The following KANSL1L variants were observed in gnomAD, a reference collection of about 807,000 sequenced individuals.
The protein encoded by KANSL1L is KAT8 regulatory NSL complex subunit 1 like, also known as KAT8 regulatory NSL complex subunit 1-like protein.
In KANSL1L, 25 loss-of-function variants were observed where a neutral mutation model predicts 108.6. The ratio of observed to expected loss-of-function variants is 0.23; its 90% confidence interval spans 0.17 to 0.32. The LOEUF (loss-of-function observed/expected upper bound fraction) is 0.32. Ranked by LOEUF, KANSL1L falls within the 10% of genes least tolerant of loss-of-function variation. KANSL1L has a pLI of 1.00. For missense variants in KANSL1L, 1,137 were observed against 1,125.7 expected (o/e 1.01, Z -0.14); for synonymous variants, 405 against 395.1 (o/e 1.03, Z -0.30).
chr2:210,044,112 GA>G lies in KANSL1L; in HGVS notation c.1756-9del. On this transcript the variant is annotated splice_polypyrimidine_tract_variant and intron_variant, in intron 6 of 14. Transcript: ENST00000281772. The surrounding 1 kb of genome is among the most constrained non-coding windows in gnomAD (Gnocchi z 4.2). ...TTCTTTTGAAGGCAAAGTCTGCAAG[GA>G]AAAACCGTATTAGAATATCACAGCC... is the stretch of plus-strand genomic sequence containing the variant. The G allele has an allele frequency of 1.3e-6, 2 of 1,566,958 alleles. No homozygotes were observed. Among genetic ancestry groups the G allele is most frequent in the Admixed American group, 1.9e-5 (1 of 53,956 alleles).
At chr2:210,023,283 CT>C in intron 14 of KANSL1L, 104 bp from the exon 15 acceptor site, 2 of 765,092 alleles carry the variant, frequency 2.6e-6, no homozygotes, top group Non-Finnish European at 4.3e-6. Flanking sequence ...TTGTTCTGTT[CT>C]TTAGCACATA....
chr2:210,089,872 G>A (rs1223338110), intron 5 of KANSL1L, among the ~76,000 whole-genome samples: 1 of 152,116 alleles, frequency 6.6e-6, no homozygotes, highest in Non-Finnish European at 1.5e-5. Context: ...CTTCCCAAGA[G>A]ATGACGGAAA....
chr2:210,119,943 T>C (rs572968177), intron 3 of KANSL1L, among the ~76,000 whole-genome samples: 44 of 152,196 alleles, frequency 2.9e-4, no homozygotes, highest in Non-Finnish European at 5.4e-4. Flanking sequence ...TACAGGGCTA[T>C]TGGAACCAAA....
In KANSL1L at chr2:210,050,869, G is replaced by C. The variant is rs192184328; in HGVS notation, c.1756-6765C>G. Reference sequence around the variant, plus strand: ...AGTGATCCTCCCACCTCAGCCTCCTGAGTAGCTGGGACTATAGGTGCACAC... The same window carrying C: ...AGTGATCCTCCCACCTCAGCCTCCTCAGTAGCTGGGACTATAGGTGCACAC... On this transcript the variant is annotated intron_variant, in intron 6 of 14. Transcript: ENST00000281772. Among the ~76,000 whole-genome samples, 447 of 152,080 alleles carry C rather than the reference G, an allele frequency of 2.9e-3. 2 individuals are homozygous for C. Among genetic ancestry groups the C allele is most frequent in the African/African-American group, 0.01 (426 of 41,514 alleles).
intron 8 of KANSL1L, among the ~76,000 whole-genome samples, chr2:210,034,841 C>CT (rs756057694): frequency 2.0e-4 from 31 of 152,178 alleles, no homozygotes; most frequent in Middle Eastern, 3.2e-3. Flanking sequence ...TTCCATCTAT[C>CT]TGAGACCTAA....
intron 6 of KANSL1L, among the ~76,000 whole-genome samples, chr2:210,046,141 C>T (rs1320682171): frequency 6.6e-6 from 1 of 152,150 alleles, no homozygotes; most frequent in Non-Finnish European, 1.5e-5. Context: ...TTAATGACCT[C>T]ATGACCTATT....
intron 5 of KANSL1L, among the ~76,000 whole-genome samples, chr2:210,079,013 C>T (rs1041535385): frequency 2.0e-5 from 3 of 151,996 alleles, no homozygotes; most frequent in Non-Finnish European, 4.4e-5. Context: ...GGCAGTAGAA[C>T]AATTGTAGCT....
At chr2:210,075,320 CTG>C (rs930256271) in intron 6 of KANSL1L, among the ~76,000 whole-genome samples, 15 of 151,934 alleles carry the variant, frequency 9.9e-5, no homozygotes, top group Non-Finnish European at 1.9e-4. Context: ...TTTAAAAAAA[CTG>C]GGGATGTGAG....
At position 210,028,900 on chromosome 2, in the gene KANSL1L, A is replaced by G; in HGVS notation, c.2341T>C (p.Leu781=). 6.2e-7 allele frequency: 1 copy of G among 1,604,086 alleles called. No individual in the cohort carries two copies. The highest frequency in any genetic ancestry group is 8.5e-7 in the Non-Finnish European group (1 of 1,171,600). The change falls in exon 11 of 15, where the codon TTA becomes CTA. Residue 781 remains leucine, a synonymous_variant. Coordinates refer to ENST00000281772, the MANE Select transcript of KANSL1L (RefSeq NM_152519.4). ...TTCTCTAATTTAGCTGGGGCTACTA[A>G]TGACATGGGAATCACAATGTTATCT... The part of the protein sequence containing the change: ...DIDNIVIPMS[L]VAPAKLEKLQ...
chr2:210,137,068 C>T (rs939935238), intron 2 of KANSL1L, among the ~76,000 whole-genome samples: 2 of 152,138 alleles, frequency 1.3e-5, no homozygotes, highest in African/African-American at 4.8e-5. Context: ...ACATTTAAAG[C>T]TTCATATCCT....
At chr2:210,087,121 T>C (rs2094645491) in intron 5 of KANSL1L, among the ~76,000 whole-genome samples, 1 of 151,868 alleles carries the variant, frequency 6.6e-6, no homozygotes, top group Admixed American at 6.6e-5. Context: ...CCTGACCTCC[T>C]GGGACCAAGC....
rs550011536 is a variant in KANSL1L, at chr2:210,031,164, A to G, written c.2155+257T>C. On this transcript the variant is annotated intron_variant, in intron 9 of 14. Coordinates refer to ENST00000281772, the MANE Select transcript of KANSL1L (RefSeq NM_152519.4). ...CAACTTTGAAGATTAAATCCCATCC[A>G]GGGACTGATTGGTAGAAGACAACTA... The G allele has an allele frequency of 1.5e-4, 51 of 338,516 alleles. No individual in the cohort carries two copies. In the South Asian group the frequency reaches 1.7e-3, roughly 11 times the overall value. The allele number at this position is 338,516 out of a possible 1,614,324, so 21.0% of individuals were successfully genotyped here.
intron 6 of KANSL1L, chr2:210,064,085 T>A (rs2094444883): frequency 6.6e-6 from 1 of 152,082 alleles, no homozygotes; most frequent in Non-Finnish European, 1.5e-5. Context: ...GATCTGATGG[T>A]TTTAAAAAGA....
At chr2:210,049,580 T>C (rs1226562622) in intron 6 of KANSL1L, among the ~76,000 whole-genome samples, 4 of 152,036 alleles carry the variant, frequency 2.6e-5, no homozygotes, top group South Asian at 2.1e-4. Flanking sequence ...GTGGGCAACA[T>C]AGTGAGACCC....
intron 3 of KANSL1L, among the ~76,000 whole-genome samples, chr2:210,110,121 C>G (rs2094889819): frequency 6.6e-6 from 1 of 152,162 alleles, no homozygotes; most frequent in African/African-American, 2.4e-5. Context: ...AAGGATATTT[C>G]TTTCACCCTC....
chr2:210,104,374 A>C, intron 3 of KANSL1L, 73 bp from the exon 4 acceptor site: 1 of 1,003,670 alleles, frequency 1.0e-6, no homozygotes, highest in South Asian at 1.4e-5. Flanking sequence ...GCTACAATGC[A>C]CTTGAATCTA....
rs1179901022 is a variant in KANSL1L, at chr2:210,041,154, A to G, written c.1922-627T>C. 4.6e-5 allele frequency among the ~76,000 whole-genome samples: 7 copies of G among 152,140 alleles called. No individual in the cohort carries two copies. In the East Asian group the frequency reaches 9.6e-4, roughly 21 times the overall value. ...TTAAATAGAGGCTTGGAGACTTTCA[A>G]TTTACTATGTTTATATTCTGTACTC... On this transcript the variant is annotated intron_variant, in intron 7 of 14. Coordinates refer to ENST00000281772, the MANE Select transcript of KANSL1L (RefSeq NM_152519.4).
intron 3 of KANSL1L, among the ~76,000 whole-genome samples, chr2:210,111,898 A>G (rs1302373987): frequency 1.3e-5 from 1 of 74,876 alleles, no homozygotes; most frequent in Non-Finnish European, 2.8e-5. Context: ...CCCACCCCAC[A>G]ACAGTCCCTG....
At chr2:210,062,567 T>C (rs1220757530) in intron 6 of KANSL1L, among the ~76,000 whole-genome samples, 1 of 152,152 alleles carries the variant, frequency 6.6e-6, no homozygotes, top group Non-Finnish European at 1.5e-5. Flanking sequence ...AAAATACTGA[T>C]CATGATATGG....
Sources: allele counts gnomAD v4.1 joint callset (sites outside exome capture counted in the v4.1 genomes callset), GRCh38; gene constraint gnomAD v4.1.1; non-coding constraint Gnocchi (gnomAD v3.1); transcripts MANE v1.5; gene names NCBI Gene and HGNC (gene_info 2026-07-23, HGNC 2026-07-21).